Variants in CALN1 observed in about 807,000 individuals in gnomAD.
CALN1 encodes calcium-binding protein 8.
CALN1 carries 17 observed loss-of-function variants against 30.6 expected under a neutral mutation model. The ratio of observed to expected loss-of-function variants is 0.56; its 90% CI spans 0.38 to 0.83. CALN1 has a LOEUF of 0.83. CALN1 is among the 40% of genes least tolerant of loss of function. CALN1 has a pLI of 0.00. For synonymous variants in CALN1, 156 were observed against 131.4 expected, an observed-to-expected ratio of 1.19 and a Z score of -1.28; for missense variants, 291 against 354.9, an observed-to-expected ratio of 0.82 and a Z score of 1.45.
chr7:72,087,537 T>C (rs747376505), intron 4 of CALN1, among the ~76,000 whole-genome samples: 3 of 152,106 alleles, frequency 2.0e-5, no homozygotes, highest in Non-Finnish European at 4.4e-5. Context: ...CCTCGACAAC[T>C]AACTAAAAGA....
At position 72,131,256 on chromosome 7, in the gene CALN1, C is replaced by T. The variant is rs73371769; in HGVS notation, c.245-24962G>A. On this transcript the variant is annotated intron_variant, in intron 3 of 6. Coordinates refer to ENST00000395275, the MANE Select transcript of CALN1 (RefSeq NM_031468.4). ...TCATGGGAGGAAACTGATTTTTCAGCGGGGATGTACAAGATCCTTAAAGAT... is the reference window on the plus strand; with the variant it reads ...TCATGGGAGGAAACTGATTTTTCAGTGGGGATGTACAAGATCCTTAAAGAT... Among the ~76,000 whole-genome samples the T allele has an allele frequency of 7.7e-3, 1,166 of 152,080 alleles. 7 individuals are homozygous for T. Among genetic ancestry groups the T allele is most frequent in the African/African-American group, 0.024 (1,011 of 41,466 alleles).
At chr7:72,188,946 TG>T (rs1562710000) in intron 3 of CALN1, among the ~76,000 whole-genome samples, 1 of 152,222 alleles carries the variant, frequency 6.6e-6, no homozygotes, top group East Asian at 1.9e-4. Flanking sequence ...CTCCCCATCT[TG>T]GTCTAAGAGG....
chr7:71,850,925 A>C (rs1418371104), intron 5 of CALN1, among the ~76,000 whole-genome samples: 1 of 152,174 alleles, frequency 6.6e-6, no homozygotes, highest in Non-Finnish European at 1.5e-5. Flanking sequence ...ATATGCATGC[A>C]ATATTGGCCT....
intron 2 of CALN1, among the ~76,000 whole-genome samples, chr7:72,384,967 AAG>A (rs1364732954): frequency 1.3e-5 from 2 of 152,196 alleles, no homozygotes; most frequent in East Asian, 1.9e-4. Context: ...GAAAAAAACA[AAG>A]AATCTCATGG....
chr7:71,847,918 A>T (rs945681749), intron 5 of CALN1, among the ~76,000 whole-genome samples: 1 of 152,040 alleles, frequency 6.6e-6, no homozygotes, highest in Non-Finnish European at 1.5e-5. Flanking sequence ...CCATGTAAGA[A>T]GTGCCTTTTT....
intron 3 of CALN1, among the ~76,000 whole-genome samples, chr7:72,132,670 G>C (rs1158641759): frequency 2.0e-5 from 3 of 152,142 alleles, no homozygotes; most frequent in African/African-American, 7.2e-5. Context: ...AACATATGCT[G>C]AATCTGCACT....
At chr7:72,277,407 A>G (rs766629405) in intron 3 of CALN1, among the ~76,000 whole-genome samples, 8 of 152,124 alleles carry the variant, frequency 5.3e-5, no homozygotes, top group Admixed American at 1.3e-4. Flanking sequence ...TGAAGACCAG[A>G]AGATGTAAGG....
chr7:72,456,852 A>G, the CALN1 span, among the ~76,000 whole-genome samples: 1 of 152,106 alleles, frequency 6.6e-6, no homozygotes, highest in South Asian at 2.1e-4. Context: ...GTCTAAAAAA[A>G]TAAACATAAA....
At chr7:72,114,958 C>T (rs1488813227) in intron 3 of CALN1, among the ~76,000 whole-genome samples, 15 of 151,640 alleles carry the variant, frequency 9.9e-5, no homozygotes, top group Admixed American at 9.9e-4. Flanking sequence ...CATATCATTG[C>T]ACTCCAGCCT....
At chr7:71,998,595 A>C (rs1433901377) in intron 5 of CALN1, among the ~76,000 whole-genome samples, 3 of 148,892 alleles carry the variant, frequency 2.0e-5, no homozygotes, top group Non-Finnish European at 4.5e-5. Context: ...TTTTTGAGAC[A>C]GTCTCACTCT....
chr7:72,114,275 A>AGT (rs1807798309), intron 3 of CALN1, among the ~76,000 whole-genome samples: 1 of 71,068 alleles, frequency 1.4e-5, no homozygotes, highest in South Asian at 9.1e-4. Flanking sequence ...AAGGGAAGGG[A>AGT]AGGGAAGGGA....
At chr7:72,256,228 G>A (rs915610255) in intron 3 of CALN1, among the ~76,000 whole-genome samples, 10 of 152,130 alleles carry the variant, frequency 6.6e-5, no homozygotes, top group Non-Finnish European at 1.2e-4. Context: ...GGAGGCCTAC[G>A]TGGGAGGGTC....
At chr7:71,878,007 A>G (rs1339334380) in intron 5 of CALN1, among the ~76,000 whole-genome samples, 5 of 152,154 alleles carry the variant, frequency 3.3e-5, no homozygotes, top group Non-Finnish European at 5.9e-5. Context: ...CTGTTTCAGT[A>G]AGTCTGGAGT....
At chr7:71,852,221 C>T (rs532834086) in intron 5 of CALN1, among the ~76,000 whole-genome samples, 8 of 152,218 alleles carry the variant, frequency 5.3e-5, no homozygotes, top group South Asian at 2.1e-4. Context: ...GTTGCTATTA[C>T]GATCAAGACT....
At chr7:71,797,791 C>T (rs1302960275) in intron 6 of CALN1, among the ~76,000 whole-genome samples, 1 of 152,132 alleles carries the variant, frequency 6.6e-6, no homozygotes, top group Non-Finnish European at 1.5e-5. Flanking sequence ...TTGGGACCTT[C>T]ACCACCACTC....
chr7:72,310,466 A>G (rs965338760), intron 2 of CALN1, among the ~76,000 whole-genome samples: 13 of 151,428 alleles, frequency 8.6e-5, no homozygotes, highest in African/African-American at 2.9e-4. Flanking sequence ...AGGGCAGAAC[A>G]AAAGGAATCT....
intron 3 of CALN1, among the ~76,000 whole-genome samples, chr7:72,269,680 CCAGT>C (rs1352771751): frequency 6.6e-6 from 1 of 152,110 alleles, no homozygotes; most frequent in Non-Finnish European, 1.5e-5. Flanking sequence ...AGGTGGTCAG[CCAGT>C]AATTGAATTA....
At chr7:72,328,754 G>A (rs1801456874) in intron 2 of CALN1, among the ~76,000 whole-genome samples, 1 of 152,220 alleles carries the variant, frequency 6.6e-6, no homozygotes, top group African/African-American at 2.4e-5. Context: ...GGAGTGCAGT[G>A]GCACAATCTC....
intron 3 of CALN1, among the ~76,000 whole-genome samples, chr7:72,161,777 G>A (rs1279466197): frequency 2.0e-5 from 3 of 152,104 alleles, no homozygotes; most frequent in South Asian, 2.1e-4. Context: ...GGGCAGTGGC[G>A]GGTGGGAAGA....
Sources: allele counts gnomAD v4.1 joint callset (sites outside exome capture counted in the v4.1 genomes callset), GRCh38; gene constraint gnomAD v4.1.1; transcripts MANE v1.5; gene names NCBI Gene and HGNC (gene_info 2026-07-23, HGNC 2026-07-21).